Variants in ZNF507 observed in about 807,000 individuals in gnomAD.
ZNF507 encodes zinc finger protein 507.
In ZNF507, 29 loss-of-function variants were observed where a neutral mutation model predicts 80.0. The ratio of observed to expected loss-of-function variants is 0.36; its 90% CI spans 0.27 to 0.49. ZNF507 has a LOEUF of 0.49. Ranked by LOEUF, ZNF507 falls within the 20% of genes least tolerant of loss-of-function variation. ZNF507 has a pLI of 0.98. For synonymous variants in ZNF507, 462 were observed against 422.5 expected, an observed-to-expected ratio of 1.09 and a Z score of -1.15; for missense variants, 1,081 against 1,152.2, an observed-to-expected ratio of 0.94 and a Z score of 0.90.
At chr19:32,369,954 G>A (rs1206323395) in intron 5 of ZNF507, among the ~76,000 whole-genome samples, 2 of 152,046 alleles carry the variant, frequency 1.3e-5, no homozygotes, top group Non-Finnish European at 2.9e-5. Flanking sequence ...CTGTGTGTGT[G>A]TGTATTGGAT....
chr19:32,381,523 C>T (rs149334784), intron 5 of ZNF507, among the ~76,000 whole-genome samples: 1 of 152,046 alleles, frequency 6.6e-6, no homozygotes, highest in Non-Finnish European at 1.5e-5. Context: ...TCGCTTGAAC[C>T]CAGGAGGCAG....
chr19:32,382,649 C>T (rs1204275815), intron 6 of ZNF507, 48 bp downstream of exon 6: 2 of 1,612,652 alleles, frequency 1.2e-6, no homozygotes, highest in Non-Finnish European at 1.7e-6. Flanking sequence ...AAATTAAAGC[C>T]AGGATTAAAT....
At chr19:32,379,425 A>C (rs978937447) in intron 5 of ZNF507, among the ~76,000 whole-genome samples, 3 of 152,214 alleles carry the variant, frequency 2.0e-5, no homozygotes, top group African/African-American at 7.2e-5. Context: ...ATAGGGGAAC[A>C]ATTTTTTTAA....
At chr19:32,376,748 C>T (rs11671474) in intron 5 of ZNF507, among the ~76,000 whole-genome samples, 59,258 of 151,936 alleles carry the variant, frequency 0.39, 13,379 homozygotes, top group Non-Finnish European at 0.53. Flanking sequence ...ACGCGGAGAC[C>T]GGTAGTGGCC....
rs1363874933 is a variant in ZNF507, at chr19:32,353,021, T to C, written c.191T>C (p.Leu64Pro). 5.6e-6 allele frequency: 9 copies of C among 1,614,014 alleles called. No individual in the cohort carries two copies. Among genetic ancestry groups the C allele is most frequent in the South Asian group, 1.1e-5 (1 of 91,040 alleles). Residue 64 changes from leucine (L) to proline (P), a missense_variant, in exon 3 of 7, where the codon CTT becomes CCT. Leu to Pro is a moderately conservative substitution (Grantham distance 98, BLOSUM62 -3). Transcript: ENST00000355898. ...IVENEKSQKC[L>P]LIGKKRPRSS... is the part of the protein sequence containing the mutation. ...GAAAATGAAAAGTCACAAAAATGTC[T>C]TTTAATTGGGAAGAAACGCCCACGT...
chr19:32,367,958 C>T (rs1479508608), intron 5 of ZNF507, among the ~76,000 whole-genome samples: 1 of 152,214 alleles, frequency 6.6e-6, no homozygotes, highest in East Asian at 1.9e-4. Flanking sequence ...TCAGTCCTCA[C>T]AGCAGCCCAG....
At chr19:32,345,990 G>A (rs1057333166) in intron 1 of ZNF507, among the ~76,000 whole-genome samples, 3 of 152,232 alleles carry the variant, frequency 2.0e-5, no homozygotes, top group African/African-American at 7.2e-5. Context: ...CCTGCAGCTG[G>A]GGGTGGGGGG....
intron 5 of ZNF507, among the ~76,000 whole-genome samples, chr19:32,378,173 C>T (rs1000554872): frequency 1.3e-5 from 2 of 151,972 alleles, no homozygotes; most frequent in South Asian, 2.1e-4. Flanking sequence ...GCTAACATGA[C>T]GAAACCCCAT....
intron 5 of ZNF507, among the ~76,000 whole-genome samples, chr19:32,375,433 A>G (rs112181630): frequency 6.8e-4 from 103 of 152,352 alleles, no homozygotes; most frequent in African/African-American, 2.2e-3. Flanking sequence ...ATCACCAGAA[A>G]GTCCTCAGTG....
intron 5 of ZNF507, among the ~76,000 whole-genome samples, chr19:32,364,575 A>C (rs1457667868): frequency 6.6e-6 from 1 of 152,178 alleles, no homozygotes; most frequent in African/African-American, 2.4e-5. Flanking sequence ...TATCAGTGAG[A>C]ACATACGATG....
intron 3 of ZNF507, 89 bp from the exon 4 acceptor site, chr19:32,356,527 A>T: frequency 3.5e-6 from 3 of 853,848 alleles, no homozygotes; most frequent in Non-Finnish European, 5.7e-6. Context: ...GTACTAGGCC[A>T]TGAAAGCAAT....
rs763525730 is a variant in ZNF507, at chr19:32,360,526, A to G, written c.2268A>G (p.Lys756=). The G allele has an allele frequency of 1.9e-6, 3 of 1,583,764 alleles. No homozygotes were observed. Among genetic ancestry groups the G allele is most frequent in the African/African-American group, 2.7e-5 (2 of 73,620 alleles). The part of the protein sequence containing the change: ...VQEGNKSSVQ[K]QYRCDVCDYT... ...TAGGGAATAAGTCTTCAGTCCAGAA[A>G]CAATATAGATGTGATGTGTGTGATT... is the stretch of plus-strand genomic sequence containing the variant. Residue 756 remains lysine (K), a synonymous_variant, in exon 5 of 7, where the codon AAA becomes AAG. Transcript: ENST00000355898.
At position 32,353,188 on chromosome 19, in the gene ZNF507, G is replaced by A. The variant is rs539935266; in HGVS notation, c.358G>A (p.Gly120Arg). 6 of 1,614,156 alleles carry A rather than the reference G, an allele frequency of 3.7e-6. No individual in the cohort carries two copies. In the South Asian group the frequency reaches 5.5e-5, roughly 15 times the overall value. ...FTPDTLAQNEGKAMSYQCSLC... is the reference protein window; with the variant it reads ...FTPDTLAQNERKAMSYQCSLC... ...CCCTGACACTCTTGCCCAGAATGAAGGGAAGGCTATGTCTTATCAGTGTAG... is the reference window on the plus strand; with the variant it reads ...CCCTGACACTCTTGCCCAGAATGAAAGGAAGGCTATGTCTTATCAGTGTAG... The change falls in exon 3 of 7, where the codon GGG becomes AGG. Residue 120 changes from glycine to arginine, a missense_variant. Coordinates refer to ENST00000355898, the MANE Select transcript of ZNF507 (RefSeq NM_001136156.2).
At chr19:32,377,513 T>A (rs1390413882) in intron 5 of ZNF507, among the ~76,000 whole-genome samples, 1 of 152,258 alleles carries the variant, frequency 6.6e-6, no homozygotes. Flanking sequence ...ATATCTATGA[T>A]CTATATCTAG....
rs1967216065 is a variant in ZNF507 at position 32,354,217 on chromosome 19, A to G, written c.1387A>G (p.Lys463Glu). 2.5e-6 allele frequency: 4 copies of G among 1,613,820 alleles called. No individual in the cohort carries two copies. The highest frequency in any genetic ancestry group is 3.4e-6 in the Non-Finnish European group (4 of 1,180,030). The change falls in exon 3 of 7, where the codon AAA (lysine) becomes GAA (glutamate). Residue 463 changes from lysine to glutamate, a missense_variant. Coordinates refer to ENST00000355898, the MANE Select transcript of ZNF507 (RefSeq NM_001136156.2). ...GATCATAGGCTGGAGCAGTTCAGAG[A>G]AAAAAGACGAGTTAATGAATAAAGG... ...GLIIGWSSSE[K>E]KDELMNKGLA...
intron 5 of ZNF507, chr19:32,380,727 G>A (rs1241205253): frequency 1.7e-5 from 18 of 1,066,944 alleles, no homozygotes; most frequent in Admixed American, 1.4e-4. Flanking sequence ...TTTACAATAC[G>A]ACCCAGCAAT....
At chr19:32,373,214 T>C (rs1483178283) in intron 5 of ZNF507, among the ~76,000 whole-genome samples, 2 of 150,858 alleles carry the variant, frequency 1.3e-5, no homozygotes, top group Non-Finnish European at 2.9e-5. Flanking sequence ...CATAGGAATT[T>C]CGGGGGGGGC....
intron 5 of ZNF507, among the ~76,000 whole-genome samples, chr19:32,376,990 C>G (rs1274282071): frequency 6.6e-6 from 1 of 152,086 alleles, no homozygotes; most frequent in East Asian, 1.9e-4. Context: ...AATTTTGCTA[C>G]TGTTAACTAA....
Position 32,353,827 on chromosome 19 carries a change from T to C in ZNF507, c.997T>C (p.Ser333Pro), listed in dbSNP as rs547129587. 6.4e-5 allele frequency: 103 copies of C among 1,614,190 alleles called. 1 individual carries two copies. Among genetic ancestry groups the C allele is most frequent in the South Asian group, 4.4e-4 (40 of 91,084 alleles). The change falls in exon 3 of 7, where the codon TCA (serine) becomes CCA (proline). Residue 333 changes from serine (S) to proline (P), a missense_variant. Coordinates refer to ENST00000355898, the MANE Select transcript of ZNF507 (RefSeq NM_001136156.2). ...GCAGATTTGCAGCTCAGAACAGTTA[T>C]CATCTTCATCTCCTTTAGAACAGAG... ...QVQICSSEQL[S>P]SSSPLEQSAE...
Sources: allele counts gnomAD v4.1 joint callset (sites outside exome capture counted in the v4.1 genomes callset), GRCh38; gene constraint gnomAD v4.1.1; transcripts MANE v1.5; gene names NCBI Gene and HGNC (gene_info 2026-07-23, HGNC 2026-07-21).